Variants in AMBRA1 observed in about 807,000 individuals in gnomAD.
The protein encoded by AMBRA1 is autophagy and beclin 1 regulator 1.
A neutral mutation model predicts 125.4 loss-of-function variants in AMBRA1; 47 were observed. The observed-to-expected ratio is 0.37, with a 90% CI of 0.30 to 0.48. The LOEUF is 0.48. AMBRA1 is among the 20% of genes least tolerant of loss of function. The probability of loss-of-function intolerance (pLI) is 0.99; values close to 1 mark genes in which losing one functional copy is unlikely to be tolerated. For synonymous variants in AMBRA1, 626 were observed against 655.5 expected, an observed-to-expected ratio of 0.95 and a Z score of 0.69; for missense variants, 1,331 against 1,693.4, an observed-to-expected ratio of 0.79 and a Z score of 3.76.
intron 11 of AMBRA1, among the ~76,000 whole-genome samples, chr11:46,476,249 A>T (rs1949807222): frequency 1.3e-5 from 2 of 152,218 alleles, no homozygotes; most frequent in African/African-American, 4.8e-5. Context: ...TGTTAGTTCC[A>T]TCCAGTGGCA....
intron 16 of AMBRA1, among the ~76,000 whole-genome samples, chr11:46,409,922 C>T (rs948405755): frequency 6.6e-6 from 1 of 152,228 alleles, no homozygotes; most frequent in East Asian, 1.9e-4. Flanking sequence ...AGCTTGGTCC[C>T]TGAGGTCCTG....
At chr11:46,553,319 A>G (rs2043066582) in intron 1 of AMBRA1, among the ~76,000 whole-genome samples, 1 of 152,194 alleles carries the variant, frequency 6.6e-6, no homozygotes, top group South Asian at 2.1e-4. Context: ...CATTTCACAA[A>G]AGGCTGCAAT....
At chr11:46,451,126 C>T (rs1217853422) in intron 11 of AMBRA1, among the ~76,000 whole-genome samples, 3 of 152,204 alleles carry the variant, frequency 2.0e-5, no homozygotes, top group African/African-American at 4.8e-5. Context: ...CATATAACCA[C>T]AGAAATTCCT....
At chr11:46,399,050 A>G (rs928073439) in intron 17 of AMBRA1, among the ~76,000 whole-genome samples, 1 of 152,060 alleles carries the variant, frequency 6.6e-6, no homozygotes. Flanking sequence ...CTAGGATTAC[A>G]GGCGTGAGCC....
In AMBRA1 at chr11:46,548,557, T is replaced by A; in HGVS notation, c.-120-57A>T. 5 of 668,690 alleles carry A rather than the reference T, an allele frequency of 7.5e-6. No homozygotes were observed. In the East Asian group the frequency reaches 1.4e-4, roughly 19 times the overall value. 41.4% of individuals were successfully genotyped at this position (668,690 alleles called of 1,614,324 possible). A position where few individuals can be genotyped will look rare whatever the true frequency, so the allele number is the denominator to read the frequency against. On this transcript the variant is annotated intron_variant, in intron 1 of 17. Transcript: ENST00000683756. ...ACTTCTGCAACGAGAAGCTTCTAAT[T>A]GCAAATACAATTCTAGCTCAAAAGG...
intron 7 of AMBRA1, among the ~76,000 whole-genome samples, chr11:46,534,556 T>C (rs1591053156): frequency 6.6e-6 from 1 of 152,182 alleles, no homozygotes; most frequent in Non-Finnish European, 1.5e-5. Flanking sequence ...TATCTGTTAA[T>C]GGAATGAGTG....
chr11:46,593,468 G>A (rs1297276434), intron 1 of AMBRA1, among the ~76,000 whole-genome samples: 2 of 152,146 alleles, frequency 1.3e-5, no homozygotes, highest in Non-Finnish European at 2.9e-5. Context: ...CAGTGCAATT[G>A]AGGCATGACA....
At chr11:46,470,023 T>C (rs888177376) in intron 11 of AMBRA1, among the ~76,000 whole-genome samples, 1 of 152,148 alleles carries the variant, frequency 6.6e-6, no homozygotes, top group Non-Finnish European at 1.5e-5. Context: ...CATACTTGCA[T>C]TCTGATATAA....
intron 7 of AMBRA1, among the ~76,000 whole-genome samples, chr11:46,531,986 G>A (rs1475311164): frequency 1.3e-5 from 2 of 152,076 alleles, no homozygotes; most frequent in African/African-American, 2.4e-5. Flanking sequence ...AGGCATGGTG[G>A]TGGGCGCCTG....
chr11:46,549,952 G>A (rs1413940757), intron 1 of AMBRA1, among the ~76,000 whole-genome samples: 1 of 152,096 alleles, frequency 6.6e-6, no homozygotes, highest in African/African-American at 2.4e-5. Context: ...CGGAGTAGCT[G>A]GGATTACAGG....
chr11:46,481,551 T>C (rs566257402), intron 11 of AMBRA1, among the ~76,000 whole-genome samples: 10 of 152,204 alleles, frequency 6.6e-5, no homozygotes, highest in South Asian at 2.1e-4. Context: ...TTAGCAGAGA[T>C]AGGGTTTCTC....
rs1277426719 is a variant in AMBRA1, at chr11:46,433,582, T to C, written c.2868A>G (p.Val956=). The part of the protein sequence containing the change: ...SVSLSPMGRY[V]MVGLASRRIL... ...TCCTTCGTGAGGCCAAGCCCACCATTACATATCTGCCCATTGGGGACAGGC... is the reference window on the plus strand; with the variant it reads ...TCCTTCGTGAGGCCAAGCCCACCATCACATATCTGCCCATTGGGGACAGGC... Residue 956 remains valine, a synonymous_variant, in exon 14 of 18, where the codon GTA becomes GTG. Transcript: ENST00000683756. 1 of 1,614,106 alleles carries C rather than the reference T, an allele frequency of 6.2e-7. No individual in the cohort carries two copies. The highest frequency in any genetic ancestry group is 1.3e-5 in the African/African-American group (1 of 75,028).
intron 16 of AMBRA1, among the ~76,000 whole-genome samples, chr11:46,408,907 G>C (rs566002581): frequency 6.6e-5 from 10 of 152,378 alleles, no homozygotes; most frequent in East Asian, 3.9e-4. Context: ...CTATACCCTA[G>C]AACAATGAAA....
intron 15 of AMBRA1, among the ~76,000 whole-genome samples, chr11:46,411,339 T>C (rs992660982): frequency 3.9e-5 from 6 of 152,146 alleles, no homozygotes; most frequent in African/African-American, 9.7e-5. Context: ...TTCCTAAACA[T>C]GGGTGTTGGC....
At chr11:46,497,376 A>G (rs2134992239) in intron 9 of AMBRA1, among the ~76,000 whole-genome samples, 1 of 152,278 alleles carries the variant, frequency 6.6e-6, no homozygotes, top group Middle Eastern at 3.4e-3. Flanking sequence ...AAGAGGCAAC[A>G]TGTTAAGTAA....
At position 46,443,697 on chromosome 11, in the gene AMBRA1, A is replaced by G. The variant is rs1948128463; in HGVS notation, c.2522-99T>C. The G allele has an allele frequency of 4.0e-6, 4 of 991,764 alleles. No individual in the cohort carries two copies. The South Asian group carries it at 6.0e-5, about 15-fold the overall frequency. The allele number at this position is 991,764 out of a possible 1,614,324, so 61.4% of individuals were successfully genotyped here. On this transcript the variant is annotated intron_variant, in intron 11 of 17. Coordinates refer to ENST00000683756, the MANE Select transcript of AMBRA1 (RefSeq NM_001387011.1). ...CTGGGATTAGTAGTGGGGAGAGAAGAGGAAAAACTAGACTATGGCTGAAGA... is the reference window on the plus strand; with the variant it reads ...CTGGGATTAGTAGTGGGGAGAGAAGGGGAAAAACTAGACTATGGCTGAAGA...
chr11:46,422,612 C>T (rs1946900993), intron 14 of AMBRA1, among the ~76,000 whole-genome samples: 1 of 152,072 alleles, frequency 6.6e-6, no homozygotes, highest in South Asian at 2.1e-4. Flanking sequence ...GGGAAACCTT[C>T]TTCTCCATCC....
At position 46,397,615 on chromosome 11, in the gene AMBRA1, G is replaced by A; in HGVS notation, c.3732C>T (p.Thr1244=). 1 of 1,610,572 alleles carries A rather than the reference G, an allele frequency of 6.2e-7. No individual in the cohort carries two copies. The highest frequency in any genetic ancestry group is 1.3e-5 in the African/African-American group (1 of 74,996). ...GGGAGGAAGAGGGCAGGGTTGGCTG[G>A]GTTGGCTCCCGCCCAGGGGTACCAG... ...DQPGTPGREP[T]QPTLPSSSPV... The change falls in exon 18 of 18, where the codon ACC becomes ACT. Residue 1244 remains threonine, a synonymous_variant. Transcript: ENST00000683756.
At chr11:46,586,439 T>G (rs1030308398) in intron 1 of AMBRA1, among the ~76,000 whole-genome samples, 1 of 152,128 alleles carries the variant, frequency 6.6e-6, no homozygotes, top group Admixed American at 6.5e-5. Flanking sequence ...TAAAGATCCA[T>G]CTTTTTACTT....
Sources: gnomAD v4.1 joint callset for allele counts (sites outside exome capture counted in the v4.1 genomes callset) on GRCh38, gnomAD v4.1.1 for gene constraint, MANE v1.5 for transcripts, NCBI Gene and HGNC (gene_info 2026-07-23, HGNC 2026-07-21) for gene names.